The following PITPNC1 variants were observed in gnomAD, a reference collection of about 807,000 sequenced individuals.
The protein encoded by PITPNC1 is phosphatidylinositol transfer protein cytoplasmic 1.
Under a neutral mutation model 44.7 loss-of-function variants are expected in PITPNC1, and 18 were observed. That is an observed-to-expected ratio of 0.40 (90% CI 0.28 to 0.60). The LOEUF is 0.60. Ranked by LOEUF, PITPNC1 falls within the 20% of genes least tolerant of loss-of-function variation. The pLI is 0.39. For synonymous variants in PITPNC1, 141 were observed against 149.6 expected, an observed-to-expected ratio of 0.94 and a Z score of 0.42; for missense variants, 290 against 418.4, an observed-to-expected ratio of 0.69 and a Z score of 2.68.
intron 1 of PITPNC1, among the ~76,000 whole-genome samples, chr17:67,502,670 T>C (rs2040047321): frequency 6.6e-6 from 1 of 152,162 alleles, no homozygotes; most frequent in South Asian, 2.1e-4. Context: ...ATTGAGAGGA[T>C]CTGACAGGGA....
Position 67,545,109 on chromosome 17 carries a change from C to G in PITPNC1, c.198-7148C>G, listed in dbSNP as rs902139452. Among the ~76,000 whole-genome samples the G allele has an allele frequency of 1.3e-5, 2 of 151,290 alleles. 1 individual carries two copies. The highest frequency in any genetic ancestry group is 1.3e-4 in the Admixed American group (2 of 15,172). Reference sequence around the variant, plus strand: ...GGAGGATCCCTTGAGGCCAGGAGTTCGAGACAAGCCTGGGCAACATAGTGG... The same window carrying G: ...GGAGGATCCCTTGAGGCCAGGAGTTGGAGACAAGCCTGGGCAACATAGTGG... On this transcript the variant is annotated intron_variant, in intron 2 of 8. Transcript: ENST00000581322.
intron 5 of PITPNC1, among the ~76,000 whole-genome samples, chr17:67,610,919 CAAAAAAAAA>C: frequency 1.2e-5 from 1 of 81,360 alleles, no homozygotes; most frequent in Non-Finnish European, 2.6e-5. Flanking sequence ...GACTCTGTCT[CAAAAAAAAA>C]AAAAAAAGAA....
At position 67,696,373 on chromosome 17, in the gene PITPNC1, G is replaced by A. The variant is rs909393321; in HGVS notation, c.*3485G>A. 9 of 152,126 alleles carry A rather than the reference G, an allele frequency of 5.9e-5. No individual in the cohort carries two copies. The highest frequency in any genetic ancestry group is 1.5e-5 in the Non-Finnish European group (1 of 68,032). 9.4% of individuals were successfully genotyped at this position (152,126 alleles called of 1,614,324 possible). On this transcript the variant is annotated 3_prime_UTR_variant, in exon 9 of 9. Transcript: ENST00000581322. The stretch of plus-strand genomic sequence containing the variant: ...CTTTGGCATCTCTTCATGGCTCAGC[G>A]ACAACAAAGTAATAGGTCATTGGCT...
At chr17:67,422,311 G>T (rs368988695) in intron 1 of PITPNC1, among the ~76,000 whole-genome samples, 4 of 152,200 alleles carry the variant, frequency 2.6e-5, no homozygotes, top group African/African-American at 9.7e-5. Context: ...GAGATTTGGA[G>T]ACAGACTGAG....
At chr17:67,519,612 T>C (rs1308327392) in intron 1 of PITPNC1, among the ~76,000 whole-genome samples, 1 of 152,176 alleles carries the variant, frequency 6.6e-6, no homozygotes, top group Non-Finnish European at 1.5e-5. Flanking sequence ...TCTGCTTCTT[T>C]TTACCAAGGA....
chr17:67,544,239 A>G (rs1252938383), intron 2 of PITPNC1, among the ~76,000 whole-genome samples: 1 of 152,226 alleles, frequency 6.6e-6, no homozygotes, highest in Admixed American at 6.5e-5. Context: ...ACTGGCATCC[A>G]AGGAATGGGG....
At chr17:67,516,618 T>G (rs934812096) in intron 1 of PITPNC1, among the ~76,000 whole-genome samples, 1 of 152,146 alleles carries the variant, frequency 6.6e-6, no homozygotes, top group African/African-American at 2.4e-5. Flanking sequence ...CTCCCCGTTC[T>G]TTCTTGCCAT....
chr17:67,493,825 T>C (rs1451212095), intron 1 of PITPNC1, among the ~76,000 whole-genome samples: 1 of 152,248 alleles, frequency 6.6e-6, no homozygotes, highest in Non-Finnish European at 1.5e-5. Context: ...TTGTCTTCCT[T>C]GCAGAATGAG....
At chr17:67,418,685 C>T (rs1055414946) in intron 1 of PITPNC1, among the ~76,000 whole-genome samples, 4 of 151,960 alleles carry the variant, frequency 2.6e-5, no homozygotes, top group South Asian at 4.1e-4. Flanking sequence ...CTCAGCCTCC[C>T]GAGTAGCTGG....
At chr17:67,380,076 T>C (rs2037934732) in intron 1 of PITPNC1, among the ~76,000 whole-genome samples, 1 of 150,738 alleles carries the variant, frequency 6.6e-6, no homozygotes, top group South Asian at 2.1e-4. Flanking sequence ...GTCTTTTCTT[T>C]TCTTTTTTTT....
chr17:67,415,171 T>C (rs2038569241), intron 1 of PITPNC1, among the ~76,000 whole-genome samples: 2 of 152,144 alleles, frequency 1.3e-5, no homozygotes, highest in African/African-American at 2.4e-5. Flanking sequence ...TGAGCTATCA[T>C]GCCTGACCTC....
At chr17:67,667,490 CAA>C (rs71139168) in intron 6 of PITPNC1, among the ~76,000 whole-genome samples, 6,803 of 107,622 alleles carry the variant, frequency 0.063, 201 homozygotes, top group Middle Eastern at 0.11. Flanking sequence ...GATCCTTTCT[CAA>C]AAAAAAAAAA....
chr17:67,626,738 G>A (rs908237709), intron 5 of PITPNC1, among the ~76,000 whole-genome samples: 1 of 151,428 alleles, frequency 6.6e-6, no homozygotes, highest in Admixed American at 6.6e-5. Flanking sequence ...GTAGGAGGCT[G>A]TCACCCTGCA....
intron 1 of PITPNC1, among the ~76,000 whole-genome samples, chr17:67,406,932 C>T (rs1000990006): frequency 3.9e-5 from 6 of 152,174 alleles, no homozygotes; most frequent in African/African-American, 7.2e-5. Context: ...ATATATATTT[C>T]GGACATTTGG....
chr17:67,516,490 AG>A (rs1265535992), intron 1 of PITPNC1, among the ~76,000 whole-genome samples: 1 of 152,206 alleles, frequency 6.6e-6, no homozygotes, highest in African/African-American at 2.4e-5. Context: ...TATAGAAGCC[AG>A]GGCTCTGTAT....
At chr17:67,411,706 C>T (rs981107156) in intron 1 of PITPNC1, among the ~76,000 whole-genome samples, 21 of 152,002 alleles carry the variant, frequency 1.4e-4, no homozygotes, top group South Asian at 4.1e-4. Context: ...AACTGGGGCA[C>T]GAGATCAGAG....
At chr17:67,397,191 G>A (rs531028164) in intron 1 of PITPNC1, among the ~76,000 whole-genome samples, 1 of 152,156 alleles carries the variant, frequency 6.6e-6, no homozygotes, top group African/African-American at 2.4e-5. Context: ...ATGTTGGCCA[G>A]GCTGGTCTCG....
chr17:67,463,169 C>T (rs2039368647), intron 1 of PITPNC1, among the ~76,000 whole-genome samples: 1 of 105,014 alleles, frequency 9.5e-6, no homozygotes, highest in Non-Finnish European at 2.0e-5. Context: ...CACAAACATC[C>T]TGTAGTAATT....
intron 1 of PITPNC1, among the ~76,000 whole-genome samples, chr17:67,452,350 ATAG>A (rs2039192306): frequency 6.6e-6 from 1 of 151,680 alleles, no homozygotes; most frequent in Admixed American, 6.6e-5. Flanking sequence ...GCATTCCATT[ATAG>A]GGATGTACCA....
Sources: allele counts gnomAD v4.1 joint callset (sites outside exome capture counted in the v4.1 genomes callset), GRCh38; gene constraint gnomAD v4.1.1; transcripts MANE v1.5; gene names NCBI Gene and HGNC (gene_info 2026-07-23, HGNC 2026-07-21).